The following SERTAD2 variants were observed in gnomAD, a reference collection of about 807,000 sequenced individuals.
SERTAD2 encodes the protein SERTA domain containing 2.
SERTAD2 carries 2 observed loss-of-function variants against 15.4 expected under a neutral mutation model. That is an observed-to-expected ratio of 0.13 (90% CI 0.05 to 0.41). The LOEUF (loss-of-function observed/expected upper bound fraction) is 0.41. SERTAD2 is among the 10% of genes least tolerant of loss of function. SERTAD2 has a pLI of 0.99. For synonymous variants in SERTAD2, 180 were observed against 178.0 expected (o/e 1.01, Z -0.09); for missense variants, 333 against 409.7 (o/e 0.81, Z 1.62).
chr2:64,646,540 G>A (rs1461608370), intron 1 of SERTAD2: 1 of 152,170 alleles, frequency 6.6e-6, no homozygotes, highest in African/African-American at 2.4e-5. Context: ...CGAGCAGCAA[G>A]GAGCGCAAAA....
chr2:64,643,946 G>A (rs1674838604), intron 1 of SERTAD2, among the ~76,000 whole-genome samples: 1 of 152,200 alleles, frequency 6.6e-6, no homozygotes, highest in Non-Finnish European at 1.5e-5. Flanking sequence ...CCATATGGCT[G>A]CTGGTGTGAC....
Position 64,633,771 on chromosome 2 carries a change from T to A in SERTAD2, c.*2156A>T, listed in dbSNP as rs1674589090. 1 of 152,080 alleles carries A rather than the reference T, an allele frequency of 6.6e-6. No homozygotes were observed. Among genetic ancestry groups the A allele is most frequent in the Admixed American group, 6.6e-5 (1 of 15,254 alleles). The allele number at this position is 152,080 out of a possible 1,614,324, so 9.4% of individuals were successfully genotyped here. ...GCAGTACGAGGTGTCTGCGTGGAGG[T>A]TGCTTGTAGGAGAACAAGTGCAATT... On this transcript the variant is annotated 3_prime_UTR_variant, in exon 2 of 2. Transcript: ENST00000313349.
chr2:64,642,900 C>T (rs1408635033), intron 1 of SERTAD2, among the ~76,000 whole-genome samples: 2 of 149,874 alleles, frequency 1.3e-5, no homozygotes, highest in Non-Finnish European at 3.0e-5. Flanking sequence ...GTCATTAGCC[C>T]GGGCGGAAGG....
chr2:64,644,589 A>G (rs1396947337), intron 1 of SERTAD2: 1 of 152,200 alleles, frequency 6.6e-6, no homozygotes, highest in Non-Finnish European at 1.5e-5. Context: ...CACTTCAAAT[A>G]TTACACCTTA....
intron 1 of SERTAD2, among the ~76,000 whole-genome samples, chr2:64,639,258 TAGAG>T (rs978991423): frequency 9.2e-5 from 14 of 152,258 alleles, no homozygotes; most frequent in African/African-American, 3.4e-4. Flanking sequence ...ATGAGGTATG[TAGAG>T]AGAGACATTT....
intron 1 of SERTAD2, chr2:64,644,472 A>C (rs1185247798): frequency 2.6e-5 from 4 of 152,424 alleles, no homozygotes; most frequent in Middle Eastern, 3.4e-3. Context: ...TGAGGACCCC[A>C]GAGCCCTGCC....
chr2:64,650,569 T>A (rs1376038554), intron 1 of SERTAD2, among the ~76,000 whole-genome samples: 1 of 152,196 alleles, frequency 6.6e-6, no homozygotes, highest in East Asian at 1.9e-4. Flanking sequence ...ACACAGGGCA[T>A]AAGTTTGCCT....
At chr2:64,646,676 ATAAAT>A (rs1367348479) in intron 1 of SERTAD2, 4 of 152,260 alleles carry the variant, frequency 2.6e-5, no homozygotes, top group African/African-American at 4.8e-5. Flanking sequence ...CAAGGCCAAA[ATAAAT>A]TAAATTATGG....
intron 1 of SERTAD2, chr2:64,646,364 C>G (rs1383617356): frequency 6.6e-6 from 1 of 151,980 alleles, no homozygotes; most frequent in Non-Finnish European, 1.5e-5. Flanking sequence ...ATAAATTACT[C>G]ACACCCCCAG....
Position 64,636,515 on chromosome 2 carries a change from G to C in SERTAD2, c.357C>G (p.Asp119Glu), listed in dbSNP as rs146201617. 1.1e-4 allele frequency: 176 copies of C among 1,606,826 alleles called. No individual in the cohort carries two copies. The African/African-American group carries it at 2.1e-3, about 19-fold the overall frequency. The change falls in exon 2 of 2, where the codon GAC (aspartate) becomes GAG (glutamate). Residue 119 changes from aspartate to glutamate, a missense_variant. Asp to Glu is a conservative substitution (Grantham distance 45, BLOSUM62 2). Coordinates refer to ENST00000313349, the MANE Select transcript of SERTAD2 (RefSeq NM_014755.3). ...HLASPSSHPC[D>E]LGSTTPLEAC... Reference sequence around the variant, plus strand: ...CCTCCAGGGGCGTAGTGCTTCCGAGGTCGCAGGGGTGGGAGGACGGGGACG... The same window carrying C: ...CCTCCAGGGGCGTAGTGCTTCCGAGCTCGCAGGGGTGGGAGGACGGGGACG...
In SERTAD2 at chr2:64,635,719, G is replaced by A. The variant is rs548103439; in HGVS notation, c.*208C>T. ...TATACCAGGGTAGTAGGTCTCTGAG[G>A]AACCACTCAAAAAAGTGTATTAAAA... On this transcript the variant is annotated 3_prime_UTR_variant, in exon 2 of 2. Transcript: ENST00000313349. The A allele has an allele frequency of 1.1e-5, 6 of 536,364 alleles. No individual in the cohort carries two copies. In the East Asian group the frequency reaches 1.8e-4, roughly 16 times the overall value. 33.2% of individuals were successfully genotyped at this position (536,364 alleles called of 1,614,324 possible).
chr2:64,641,488 A>T (rs1674777302), intron 1 of SERTAD2, among the ~76,000 whole-genome samples: 1 of 152,210 alleles, frequency 6.6e-6, no homozygotes, highest in African/African-American at 2.4e-5. Context: ...CCCCTAGGGC[A>T]CAGACGGTGT....
Position 64,635,898 on chromosome 2 carries a change from G to A in SERTAD2, c.*29C>T, listed in dbSNP as rs574614116. On this transcript the variant is annotated 3_prime_UTR_variant, in exon 2 of 2. Transcript: ENST00000313349. ...GGTTATGGGAACGCTCTGGGGTCTGGGTGGGCATAGTCGCTGGGTCCCTGG... is the reference window on the plus strand; with the variant it reads ...GGTTATGGGAACGCTCTGGGGTCTGAGTGGGCATAGTCGCTGGGTCCCTGG... The A allele has an allele frequency of 6.5e-6, 10 of 1,539,972 alleles. No individual in the cohort carries two copies. In the African/African-American group the frequency reaches 1.2e-4, roughly 19 times the overall value.
Position 64,633,425 on chromosome 2 carries a change from G to C in SERTAD2, c.*2502C>G, listed in dbSNP as rs556915870. Reference sequence around the variant, plus strand: ...ACATATGGGATTTGTTTAAACACATGATTTGCTAATCCAACAAAAGTACAG... The same window carrying C: ...ACATATGGGATTTGTTTAAACACATCATTTGCTAATCCAACAAAAGTACAG... On this transcript the variant is annotated 3_prime_UTR_variant, in exon 2 of 2. Transcript: ENST00000313349. 1 of 152,310 alleles carries C rather than the reference G, an allele frequency of 6.6e-6. No individual in the cohort carries two copies. Among genetic ancestry groups the C allele is most frequent in the Admixed American group, 6.5e-5 (1 of 15,308 alleles). The allele number at this position is 152,310 out of a possible 1,614,324, so 9.4% of individuals were successfully genotyped here. A position where few individuals can be genotyped will look rare whatever the true frequency, so the allele number is the denominator to read the frequency against.
intron 1 of SERTAD2, among the ~76,000 whole-genome samples, chr2:64,650,697 G>A (rs1027127717): frequency 7.9e-5 from 12 of 152,268 alleles, no homozygotes; most frequent in Middle Eastern, 3.4e-3. Context: ...AGGAGTCCTG[G>A]CTTGTGGCTT....
intron 1 of SERTAD2, among the ~76,000 whole-genome samples, chr2:64,640,154 A>T (rs1180072040): frequency 6.6e-6 from 1 of 152,266 alleles, no homozygotes; most frequent in Non-Finnish European, 1.5e-5. Context: ...AAGCTGTTAC[A>T]GAAAGGAATA....
chr2:64,640,745 G>A (rs1473422982), intron 1 of SERTAD2, among the ~76,000 whole-genome samples: 1 of 152,106 alleles, frequency 6.6e-6, no homozygotes, highest in African/African-American at 2.4e-5. Flanking sequence ...CCCTTGGCTG[G>A]TGAAGACCAA....
intron 1 of SERTAD2, chr2:64,644,496 C>T (rs1423682750): frequency 6.6e-6 from 1 of 152,248 alleles, no homozygotes; most frequent in African/African-American, 2.4e-5. Context: ...AGGCTGCTGT[C>T]GTAGTGTGAC....
At chr2:64,649,228 A>G (rs1167706325) in intron 1 of SERTAD2, among the ~76,000 whole-genome samples, 1 of 152,218 alleles carries the variant, frequency 6.6e-6, no homozygotes, top group South Asian at 2.1e-4. Flanking sequence ...TTCTAAACAC[A>G]AGGGTGGGGT....
Sources: gnomAD v4.1 joint callset for allele counts (sites outside exome capture counted in the v4.1 genomes callset) on GRCh38, gnomAD v4.1.1 for gene constraint, MANE v1.5 for transcripts, NCBI Gene and HGNC (gene_info 2026-07-23, HGNC 2026-07-21) for gene names.